The following CNTN5 variants were observed in gnomAD, a reference collection of about 807,000 sequenced individuals.
CNTN5 encodes contactin 5, also known as contactin-5.
CNTN5 carries 77 observed loss-of-function variants against 129.1 expected under a neutral mutation model. The observed-to-expected ratio is 0.60, with a 90% CI of 0.50 to 0.72. The LOEUF (loss-of-function observed/expected upper bound fraction) is 0.72, where lower values mean the gene tolerates loss of function less well. Ranked by LOEUF, CNTN5 falls within the 30% of genes least tolerant of loss-of-function variation. The probability of loss-of-function intolerance (pLI) is 0.00; values close to 1 mark genes in which losing one functional copy is unlikely to be tolerated. For synonymous variants in CNTN5, 509 were observed against 465.6 expected (o/e 1.09, Z -1.20); for missense variants, 1,478 against 1,328.8 (o/e 1.11, Z -1.75).
chr11:99,166,389 G>A lies in CNTN5; in HGVS notation c.-210+145119G>A, dbSNP rs186182305. Among the ~76,000 whole-genome samples, 40 of 121,424 alleles carry A rather than the reference G, an allele frequency of 3.3e-4. 3 individuals carry two copies. The highest frequency in any genetic ancestry group is 1.2e-3 in the African/African-American group (37 of 30,928). The allele number at this position is 121,424 out of a possible 152,430, so 79.7% of individuals were successfully genotyped here. On this transcript the variant is annotated intron_variant, in intron 1 of 24. Coordinates refer to ENST00000524871, the MANE Select transcript of CNTN5 (RefSeq NM_014361.4). Reference sequence around the variant, plus strand: ...GCACCCAGCCTGGGCCACAGAGCAAGACTCTGTCAAAAAAAAAAAAAAAAA... The same window carrying A: ...GCACCCAGCCTGGGCCACAGAGCAAAACTCTGTCAAAAAAAAAAAAAAAAA...
At chr11:99,557,942 A>T (rs1948726059) in intron 3 of CNTN5, among the ~76,000 whole-genome samples, 1 of 151,776 alleles carries the variant, frequency 6.6e-6, no homozygotes, top group Admixed American at 6.6e-5. Context: ...AACTGAAAAA[A>T]CAAAAAACCA....
At chr11:99,096,375 A>G (rs1385401834) in intron 1 of CNTN5, among the ~76,000 whole-genome samples, 2 of 151,828 alleles carry the variant, frequency 1.3e-5, no homozygotes, top group Non-Finnish European at 3.0e-5. Flanking sequence ...GAAAAATAAA[A>G]TAGATGAGAT....
chr11:99,666,591 T>A (rs1011460640), intron 3 of CNTN5, among the ~76,000 whole-genome samples: 2 of 152,208 alleles, frequency 1.3e-5, no homozygotes, highest in Admixed American at 6.5e-5. Flanking sequence ...GAGAGAAGGA[T>A]GTTGACAAGC....
intron 4 of CNTN5, among the ~76,000 whole-genome samples, chr11:99,832,927 C>A (rs1347718868): frequency 2.0e-5 from 3 of 151,984 alleles, no homozygotes; most frequent in Admixed American, 6.6e-5. Context: ...TAGATGTAAT[C>A]CCTGAGAAAA....
At chr11:99,481,368 A>C (rs1945594466) in intron 2 of CNTN5, among the ~76,000 whole-genome samples, 1 of 152,208 alleles carries the variant, frequency 6.6e-6, no homozygotes, top group Non-Finnish European at 1.5e-5. Context: ...AAAATATATT[A>C]GAGTGCTCTA....
At chr11:99,166,843 G>A (rs7113887) in intron 1 of CNTN5, among the ~76,000 whole-genome samples, 101,682 of 150,682 alleles carry the variant, frequency 0.67, 34,633 homozygotes, top group East Asian at 0.94. Flanking sequence ...AACATATTTC[G>A]TTGAATTACA....
At chr11:99,414,355 T>A (rs1942542631) in intron 2 of CNTN5, among the ~76,000 whole-genome samples, 1 of 152,130 alleles carries the variant, frequency 6.6e-6, no homozygotes, top group East Asian at 1.9e-4. Flanking sequence ...ATGTGTATAG[T>A]TGTGCACACA....
At chr11:99,923,251 G>T (rs1403346443) in intron 7 of CNTN5, among the ~76,000 whole-genome samples, 4 of 152,100 alleles carry the variant, frequency 2.6e-5, no homozygotes, top group African/African-American at 9.7e-5. Context: ...GGATACTGAG[G>T]TGGTTATTCA....
chr11:99,664,222 A>C (rs1447691692), intron 3 of CNTN5, among the ~76,000 whole-genome samples: 1 of 152,200 alleles, frequency 6.6e-6, no homozygotes, highest in Non-Finnish European at 1.5e-5. Flanking sequence ...TTATGAAGAC[A>C]TGATGACATT....
At chr11:99,913,516 C>A (rs1367308498) in intron 6 of CNTN5, among the ~76,000 whole-genome samples, 1 of 151,664 alleles carries the variant, frequency 6.6e-6, no homozygotes, top group Non-Finnish European at 1.5e-5. Flanking sequence ...CTAAAGTTCC[C>A]AGGAAATAAT....
intron 2 of CNTN5, among the ~76,000 whole-genome samples, chr11:99,437,519 T>C (rs540053866): frequency 6.6e-6 from 1 of 152,318 alleles, no homozygotes; most frequent in South Asian, 2.1e-4. Flanking sequence ...AAGCTAGTCA[T>C]AAAATATATT....
chr11:99,600,502 T>A (rs1477508134), intron 3 of CNTN5, among the ~76,000 whole-genome samples: 1 of 152,168 alleles, frequency 6.6e-6, no homozygotes, highest in Non-Finnish European at 1.5e-5. Flanking sequence ...AGCTGTTGCC[T>A]GAGTACATCT....
intron 15 of CNTN5, among the ~76,000 whole-genome samples, chr11:100,219,328 G>A (rs1949213186): frequency 6.6e-6 from 1 of 152,198 alleles, no homozygotes; most frequent in Non-Finnish European, 1.5e-5. Context: ...AAAGGGAGAT[G>A]AGTTAAACAG....
intron 1 of CNTN5, among the ~76,000 whole-genome samples, chr11:99,046,058 A>T (rs1864193055): frequency 6.6e-6 from 1 of 152,056 alleles, no homozygotes; most frequent in African/African-American, 2.4e-5. Context: ...AAGGAGTGAG[A>T]CCTGGTGCGG....
intron 7 of CNTN5, among the ~76,000 whole-genome samples, chr11:99,933,933 G>A (rs1307000457): frequency 6.6e-6 from 1 of 152,126 alleles, no homozygotes; most frequent in Non-Finnish European, 1.5e-5. Context: ...TCATATTATA[G>A]GTGCTTACTT....
chr11:99,434,468 T>C (rs1264661325), intron 2 of CNTN5, among the ~76,000 whole-genome samples: 2 of 152,172 alleles, frequency 1.3e-5, no homozygotes, highest in African/African-American at 4.8e-5. Flanking sequence ...AATAATTTCC[T>C]CTAGTTCCAT....
intron 1 of CNTN5, among the ~76,000 whole-genome samples, chr11:99,259,830 A>G (rs1449122322): frequency 2.0e-5 from 3 of 151,916 alleles, no homozygotes; most frequent in Non-Finnish European, 4.4e-5. Flanking sequence ...TTCCAGACTC[A>G]TGTGGTATAA....
chr11:99,323,356 A>G (rs1865649527), intron 1 of CNTN5, among the ~76,000 whole-genome samples: 1 of 152,160 alleles, frequency 6.6e-6, no homozygotes, highest in South Asian at 2.1e-4. Flanking sequence ...GACAAAATGG[A>G]AAAGTTTTGC....
chr11:99,668,481 C>A (rs1565407746), intron 3 of CNTN5, among the ~76,000 whole-genome samples: 1 of 152,058 alleles, frequency 6.6e-6, no homozygotes, highest in Admixed American at 6.6e-5. Context: ...GTGAAAGGAC[C>A]ACAGCTTAAG....
Sources: allele counts gnomAD v4.1 joint callset (sites outside exome capture counted in the v4.1 genomes callset), GRCh38; gene constraint gnomAD v4.1.1; transcripts MANE v1.5; gene names NCBI Gene and HGNC (gene_info 2026-07-23, HGNC 2026-07-21).